CDH11: variants seen among roughly 807,000 people sequenced by gnomAD.
The protein encoded by CDH11 is cadherin 11.
In CDH11, 11 loss-of-function variants were observed where a neutral mutation model predicts 67.8. The observed-to-expected ratio is 0.16, with a 90% CI of 0.10 to 0.27. CDH11 has a LOEUF of 0.27. CDH11 is among the 10% of genes least tolerant of loss of function. The pLI is 1.00. For missense variants in CDH11, 847 were observed against 1,031.2 expected (o/e 0.82, Z 2.45); for synonymous variants, 419 against 400.0 (o/e 1.05, Z -0.57).
At chr16:65,062,473 T>C (rs943568892) in intron 1 of CDH11, among the ~76,000 whole-genome samples, 3 of 152,174 alleles carry the variant, frequency 2.0e-5, no homozygotes, top group African/African-American at 4.8e-5. Flanking sequence ...GCATAGTCCA[T>C]AGCAATACAA....
chr16:65,021,555 T>TACAC (rs71376753), intron 2 of CDH11, among the ~76,000 whole-genome samples: 1 of 127,584 alleles, frequency 7.8e-6, no homozygotes. Flanking sequence ...GCCATTTAAA[T>TACAC]ACACACACAC....
At chr16:64,967,861 T>G (rs184681696) in intron 11 of CDH11, among the ~76,000 whole-genome samples, 207 of 152,296 alleles carry the variant, frequency 1.4e-3, no homozygotes, top group Middle Eastern at 6.8e-3. Flanking sequence ...AGAAGCAAAT[T>G]ATAAACTTCT....
chr16:65,049,890 C>A (rs1406270602), intron 2 of CDH11, among the ~76,000 whole-genome samples: 2 of 152,074 alleles, frequency 1.3e-5, no homozygotes, highest in African/African-American at 2.4e-5. Flanking sequence ...ACAGACAGAC[C>A]CAGCAGCACA....
At chr16:65,044,180 A>G (rs2073914927) in intron 2 of CDH11, among the ~76,000 whole-genome samples, 1 of 150,524 alleles carries the variant, frequency 6.6e-6, no homozygotes, top group South Asian at 2.1e-4. Context: ...TTCACCACAC[A>G]TGAGTATGCA....
chr16:65,015,015 TTTATTATTA>T (rs71143548), intron 2 of CDH11, among the ~76,000 whole-genome samples: 124 of 135,862 alleles, frequency 9.1e-4, no homozygotes, highest in African/African-American at 2.5e-3. Flanking sequence ...GCCTGGCTAA[TTTATTATTA>T]TTATTATTAT....
chr16:65,111,149 A>G (rs2075149335), intron 1 of CDH11, among the ~76,000 whole-genome samples: 1 of 152,212 alleles, frequency 6.6e-6, no homozygotes, highest in Admixed American at 6.5e-5. Context: ...AAATTTTAAA[A>G]TATTTCAGTA....
intron 11 of CDH11, among the ~76,000 whole-genome samples, chr16:64,970,665 T>A (rs1399616772): frequency 2.0e-5 from 3 of 152,200 alleles, no homozygotes. Flanking sequence ...AAGTTTAAGA[T>A]CCTCTAAGCC....
Position 65,041,651 on chromosome 16 carries a change from G to T in CDH11, c.-173+12153C>A, listed in dbSNP as rs577985033. 4.6e-5 allele frequency among the ~76,000 whole-genome samples: 7 copies of T among 152,310 alleles called. No homozygotes were observed. In the South Asian group the frequency reaches 1.4e-3, roughly 32 times the overall value. The stretch of plus-strand genomic sequence containing the variant: ...ACAGGCTTCATAAACATGGATTATT[G>T]GAATGTTCTTCTGATTGATACCTAC... On this transcript the variant is annotated intron_variant, in intron 2 of 12. Coordinates refer to ENST00000268603, the MANE Select transcript of CDH11 (RefSeq NM_001797.4).
intron 5 of CDH11, 47 bp downstream of exon 5, chr16:64,992,868 C>T: frequency 6.3e-7 from 1 of 1,596,634 alleles, no homozygotes; most frequent in Non-Finnish European, 8.6e-7. Flanking sequence ...AGGCCTGGGA[C>T]TTCTTATTCA....
At chr16:64,957,600 GCACACACACA>G (rs66508762) in intron 11 of CDH11, among the ~76,000 whole-genome samples, 9 of 145,078 alleles carry the variant, frequency 6.2e-5, no homozygotes, top group Admixed American at 1.4e-4. Flanking sequence ...ACATGCCCGT[GCACACACACA>G]CACACACACA....
intron 1 of CDH11, among the ~76,000 whole-genome samples, chr16:65,104,409 T>C (rs2075037529): frequency 6.6e-6 from 1 of 152,162 alleles, no homozygotes; most frequent in Non-Finnish European, 1.5e-5. Context: ...TGAATCTCTT[T>C]CTCTCTATAG....
intron 1 of CDH11, among the ~76,000 whole-genome samples, chr16:65,078,699 A>G (rs568883449): frequency 2.7e-4 from 41 of 152,256 alleles, no homozygotes; most frequent in Non-Finnish European, 5.4e-4. Flanking sequence ...TGAATGAGGC[A>G]CTAGAAATCA....
intron 2 of CDH11, among the ~76,000 whole-genome samples, chr16:65,034,756 G>T (rs1429022372): frequency 6.6e-6 from 1 of 152,126 alleles, no homozygotes; most frequent in Admixed American, 6.5e-5. Context: ...CATTCCTCTG[G>T]TTAGTCACCA....
chr16:65,117,490 AG>A (rs1415393397), intron 1 of CDH11, among the ~76,000 whole-genome samples: 1 of 152,238 alleles, frequency 6.6e-6, no homozygotes, highest in Non-Finnish European at 1.5e-5. Flanking sequence ...ATCGCTGAGA[AG>A]AAAAAAAATC....
intron 1 of CDH11, among the ~76,000 whole-genome samples, chr16:65,064,892 A>G: frequency 6.6e-6 from 1 of 152,224 alleles, no homozygotes; most frequent in East Asian, 1.9e-4. Flanking sequence ...CTGAGAGGTG[A>G]GGAACACGGA....
At chr16:64,986,816 T>G (rs1250386618) in intron 7 of CDH11, 2 of 152,116 alleles carry the variant, frequency 1.3e-5, no homozygotes, top group Admixed American at 6.6e-5. Context: ...CCCTACCTTT[T>G]CTTTGTTTTG....
intron 11 of CDH11, among the ~76,000 whole-genome samples, chr16:64,967,184 C>T (rs2071858568): frequency 6.6e-6 from 1 of 152,158 alleles, no homozygotes; most frequent in Non-Finnish European, 1.5e-5. Flanking sequence ...AATTAAGTAG[C>T]AATAGCTTTT....
At chr16:65,122,309 C>T (rs994506034), upstream of CDH11, 41 of 304,462 alleles carry the variant, frequency 1.3e-4, no homozygotes, top group African/African-American at 9.0e-4. Context: ...GATTCGTGGC[C>T]GCCCCTCCCG....
chr16:64,951,822 T>C (rs962059705), intron 11 of CDH11, among the ~76,000 whole-genome samples: 5 of 152,108 alleles, frequency 3.3e-5, no homozygotes, highest in African/African-American at 1.2e-4. Context: ...AACTATTTTA[T>C]AACCCTTGCA....
Sources: gnomAD v4.1 joint callset for allele counts (sites outside exome capture counted in the v4.1 genomes callset) on GRCh38, gnomAD v4.1.1 for gene constraint, MANE v1.5 for transcripts, NCBI Gene and HGNC (gene_info 2026-07-23, HGNC 2026-07-21) for gene names.